Variants in PTPRJ observed in about 807,000 individuals in gnomAD.
PTPRJ encodes the protein receptor-type tyrosine-protein phosphatase eta.
A neutral mutation model predicts 141.3 loss-of-function variants in PTPRJ; 129 were observed. The observed-to-expected ratio is 0.91, with a 90% CI of 0.79 to 1.06. The LOEUF (loss-of-function observed/expected upper bound fraction) is 1.06. Ranked by LOEUF, PTPRJ falls within the 50% of genes least tolerant of loss-of-function variation. PTPRJ has a pLI of 0.00. For missense variants in PTPRJ, 1,601 were observed against 1,679.7 expected, an observed-to-expected ratio of 0.95 and a Z score of 0.82; for synonymous variants, 610 against 640.5, an observed-to-expected ratio of 0.95 and a Z score of 0.72.
chr11:48,127,667 A>G, intron 6 of PTPRJ, 113 bp from the exon 7 acceptor site: 1 of 1,115,680 alleles, frequency 9.0e-7, no homozygotes, highest in Non-Finnish European at 1.3e-6. Context: ...GCAGAGGAGG[A>G]AGGAACACTC....
At chr11:48,035,377 C>T (rs187209888) in intron 1 of PTPRJ, among the ~76,000 whole-genome samples, 1 of 152,130 alleles carries the variant, frequency 6.6e-6, no homozygotes, top group Non-Finnish European at 1.5e-5. Flanking sequence ...TGTATACATA[C>T]ACGGTAATGT....
intron 8 of PTPRJ, among the ~76,000 whole-genome samples, chr11:48,134,138 AGG>A (rs557703532): frequency 1.6e-4 from 25 of 152,350 alleles, no homozygotes; most frequent in Admixed American, 1.2e-3. Flanking sequence ...AAAAATGAAA[AGG>A]AACAAATATC....
chr11:48,115,946 C>A (rs1419688383), intron 3 of PTPRJ, among the ~76,000 whole-genome samples: 1 of 151,986 alleles, frequency 6.6e-6, no homozygotes, highest in Non-Finnish European at 1.5e-5. Flanking sequence ...AAATAAAAAG[C>A]AAGGAATCAA....
chr11:48,112,331 G>T (rs1856461543), intron 2 of PTPRJ, among the ~76,000 whole-genome samples: 1 of 152,178 alleles, frequency 6.6e-6, no homozygotes, highest in East Asian at 1.9e-4. Context: ...ATGATGAAGG[G>T]AAAATGGGGG....
At position 48,038,213 on chromosome 11, in the gene PTPRJ, C is replaced by T. The variant is rs577902550; in HGVS notation, c.96+57205C>T. On this transcript the variant is annotated intron_variant, in intron 1 of 24. Transcript: ENST00000418331. ...GTGTAGGCTCTCACATTGCCTTGCA[C>T]GTAGTAAGTGCTCAGTAAATGCTTG... Among the ~76,000 whole-genome samples the T allele has an allele frequency of 2.3e-4, 35 of 152,204 alleles. No individual in the cohort carries two copies. The South Asian group carries it at 2.9e-3, about 13-fold the overall frequency.
intron 1 of PTPRJ, among the ~76,000 whole-genome samples, chr11:48,028,209 G>T (rs1335874621): frequency 6.6e-6 from 1 of 152,166 alleles, no homozygotes; most frequent in Non-Finnish European, 1.5e-5. Flanking sequence ...ACGTTTCTCT[G>T]ACAGTGGAGA....
intron 1 of PTPRJ, among the ~76,000 whole-genome samples, chr11:48,040,081 G>A (rs569334894): frequency 7.4e-4 from 113 of 152,286 alleles, no homozygotes; most frequent in African/African-American, 2.5e-3. Context: ...GAGCCACACC[G>A]CCTGGCCGCT....
chr11:48,106,564 A>T (rs1303344102), intron 1 of PTPRJ, among the ~76,000 whole-genome samples: 1 of 152,134 alleles, frequency 6.6e-6, no homozygotes, highest in Non-Finnish European at 1.5e-5. Context: ...AGACTGGGAG[A>T]CAGGTTTAAT....
chr11:48,086,451 C>T (rs541281894), intron 1 of PTPRJ, among the ~76,000 whole-genome samples: 76 of 152,318 alleles, frequency 5.0e-4, no homozygotes, highest in African/African-American at 1.7e-3. Context: ...GGATTACAGG[C>T]GTGAGCCACC....
At chr11:48,142,206 T>A (rs1299009681) in intron 11 of PTPRJ, among the ~76,000 whole-genome samples, 1 of 152,260 alleles carries the variant, frequency 6.6e-6, no homozygotes, top group Non-Finnish European at 1.5e-5. Flanking sequence ...TGGGTTGATG[T>A]CTGTCTTTAT....
intron 14 of PTPRJ, 30 bp from the exon 15 acceptor site, chr11:48,146,846 T>TG (rs1857362198): frequency 6.3e-7 from 1 of 1,593,326 alleles, no homozygotes; most frequent in Admixed American, 1.7e-5. Context: ...GAACACCTCT[T>TG]GAAGTGTCTC....
chr11:48,087,058 C>G (rs1381909408), intron 1 of PTPRJ, among the ~76,000 whole-genome samples: 3 of 152,144 alleles, frequency 2.0e-5, no homozygotes, highest in African/African-American at 7.2e-5. Flanking sequence ...ATCTCTTTAG[C>G]AATCTTGATA....
At chr11:48,163,886 G>A (rs1857847052) in intron 23 of PTPRJ, among the ~76,000 whole-genome samples, 1 of 152,102 alleles carries the variant, frequency 6.6e-6, no homozygotes, top group Admixed American at 6.5e-5. Context: ...TTTATATATT[G>A]TTTATGGTTG....
chr11:48,039,464 GGTGTGTGTGTGTGT>G (rs67338648), intron 1 of PTPRJ, among the ~76,000 whole-genome samples: 17 of 146,538 alleles, frequency 1.2e-4, no homozygotes, highest in African/African-American at 3.2e-4. Context: ...ACAACACTAT[GGTGTGTGTGTGTGT>G]GTGTGTGTGT....
chr11:48,007,990 C>T (rs1208564929), intron 1 of PTPRJ, among the ~76,000 whole-genome samples: 5 of 152,302 alleles, frequency 3.3e-5, no homozygotes, highest in South Asian at 2.1e-4. Context: ...CCCTTCTTCC[C>T]GACACTAAAG....
intron 1 of PTPRJ, among the ~76,000 whole-genome samples, chr11:48,096,362 C>T (rs1236198026): frequency 1.3e-5 from 2 of 152,128 alleles, no homozygotes; most frequent in Non-Finnish European, 2.9e-5. Flanking sequence ...GCCCAAATTC[C>T]TGCGAAGGCC....
At chr11:48,099,389 G>C (rs1342285663) in intron 1 of PTPRJ, among the ~76,000 whole-genome samples, 1 of 152,204 alleles carries the variant, frequency 6.6e-6, no homozygotes, top group African/African-American at 2.4e-5. Flanking sequence ...TGTAAGTAAA[G>C]TTCTGTTGGA....
intron 1 of PTPRJ, among the ~76,000 whole-genome samples, chr11:48,001,942 G>A (rs765771129): frequency 1.3e-5 from 2 of 151,930 alleles, no homozygotes; most frequent in Non-Finnish European, 2.9e-5. Context: ...TGACTGTTTT[G>A]TTGTTCAAGT....
Position 48,118,686 on chromosome 11 carries a change from A to G in PTPRJ, c.353-2317A>G, listed in dbSNP as rs144133710. Among the ~76,000 whole-genome samples, 84 of 152,362 alleles carry G rather than the reference A, an allele frequency of 5.5e-4. 2 individuals carry two copies. The East Asian group carries it at 0.015, about 28-fold the overall frequency. On this transcript the variant is annotated intron_variant, in intron 3 of 24. Coordinates refer to ENST00000418331, the MANE Select transcript of PTPRJ (RefSeq NM_002843.4). Reference sequence around the variant, plus strand: ...AAATGTGCTACACCATATTAACAGAATGGAGGACAGAAACCATACAATCAT... The same window carrying G: ...AAATGTGCTACACCATATTAACAGAGTGGAGGACAGAAACCATACAATCAT...
Sources: gnomAD v4.1 joint callset for allele counts (sites outside exome capture counted in the v4.1 genomes callset) on GRCh38, gnomAD v4.1.1 for gene constraint, MANE v1.5 for transcripts, NCBI Gene and HGNC (gene_info 2026-07-23, HGNC 2026-07-21) for gene names.